Variants in SLC25A21 observed in about 807,000 individuals in gnomAD.
The protein encoded by SLC25A21 is mitochondrial 2-oxodicarboxylate carrier.
SLC25A21 carries 47 observed loss-of-function variants against 43.8 expected under a neutral mutation model. That is an observed-to-expected ratio of 1.07 (90% CI 0.85 to 1.37). The LOEUF (loss-of-function observed/expected upper bound fraction) is 1.37. Ranked by LOEUF, SLC25A21 falls within the 40% of genes most tolerant of loss-of-function variation. SLC25A21 has a pLI of 0.00. For missense variants in SLC25A21, 352 were observed against 350.2 expected, an observed-to-expected ratio of 1.00 and a Z score of -0.04; for synonymous variants, 131 against 121.3, an observed-to-expected ratio of 1.08 and a Z score of -0.52.
intron 2 of SLC25A21, among the ~76,000 whole-genome samples, chr14:36,868,876 A>G (rs1890288214): frequency 6.6e-6 from 1 of 152,164 alleles, no homozygotes; most frequent in Non-Finnish European, 1.5e-5. Flanking sequence ...GAAGGGAGAA[A>G]GCAGAGGACT....
At chr14:36,971,557 C>T (rs1032302730) in intron 1 of SLC25A21, among the ~76,000 whole-genome samples, 1 of 152,076 alleles carries the variant, frequency 6.6e-6, no homozygotes, top group Admixed American at 6.5e-5. Flanking sequence ...CCAGACACCA[C>T]CTCCTCAAGC....
At chr14:37,157,434 G>C (rs1018632988) in intron 1 of SLC25A21, among the ~76,000 whole-genome samples, 22 of 152,104 alleles carry the variant, frequency 1.4e-4, no homozygotes, top group Non-Finnish European at 2.8e-4. Flanking sequence ...TCAATAGTAA[G>C]AGGAACTTTT....
intron 1 of SLC25A21, among the ~76,000 whole-genome samples, chr14:36,899,436 G>A (rs1024882844): frequency 1.3e-5 from 2 of 152,156 alleles, no homozygotes; most frequent in Non-Finnish European, 2.9e-5. Context: ...TTGACAAAAT[G>A]GCACCGTCTC....
intron 1 of SLC25A21, among the ~76,000 whole-genome samples, chr14:36,990,390 T>A (rs999999728): frequency 3.3e-5 from 5 of 152,164 alleles, no homozygotes; most frequent in African/African-American, 1.2e-4. Context: ...AAAGAAAAAC[T>A]AATTAAGGTT....
At chr14:36,838,397 AC>A (rs555802398) in intron 2 of SLC25A21, among the ~76,000 whole-genome samples, 2 of 152,334 alleles carry the variant, frequency 1.3e-5, no homozygotes, top group East Asian at 3.9e-4. Flanking sequence ...TTTGTGAAGC[AC>A]ACTGGGACAC....
intron 1 of SLC25A21, among the ~76,000 whole-genome samples, chr14:37,118,270 CAGATCCACCA>C (rs369003612): frequency 1.9e-3 from 284 of 152,220 alleles, no homozygotes; most frequent in African/African-American, 6.3e-3. Flanking sequence ...TGGCTCCACC[CAGATCCACCA>C]ACAAGTCCTG....
At chr14:36,722,015 A>C (rs753832621) in intron 6 of SLC25A21, among the ~76,000 whole-genome samples, 10 of 152,176 alleles carry the variant, frequency 6.6e-5, no homozygotes, top group Non-Finnish European at 1.2e-4. Context: ...CAGAGGTATG[A>C]ATTTCAGTAT....
At chr14:36,682,725 C>T (rs1301403108) in intron 9 of SLC25A21, among the ~76,000 whole-genome samples, 1 of 135,076 alleles carries the variant, frequency 7.4e-6, no homozygotes, top group Non-Finnish European at 1.7e-5. Flanking sequence ...TTAGCTTTTA[C>T]ACATGGGCCA....
intron 1 of SLC25A21, among the ~76,000 whole-genome samples, chr14:36,941,552 A>G (rs1306026766): frequency 6.6e-6 from 1 of 151,998 alleles, no homozygotes; most frequent in Non-Finnish European, 1.5e-5. Context: ...GCATTTTAAC[A>G]GTATTTTCCG....
At chr14:37,166,910 T>C (rs17106483) in intron 1 of SLC25A21, among the ~76,000 whole-genome samples, 16,865 of 152,220 alleles carry the variant, frequency 0.11, 2,279 homozygotes, top group African/African-American at 0.32. Context: ...CTATATATTC[T>C]AACAGGGATC....
chr14:36,972,296 A>G (rs919213087), intron 1 of SLC25A21, among the ~76,000 whole-genome samples: 1 of 152,204 alleles, frequency 6.6e-6, no homozygotes, highest in African/African-American at 2.4e-5. Context: ...CACCTAATGA[A>G]GCACTTCTCA....
intron 7 of SLC25A21, among the ~76,000 whole-genome samples, chr14:36,686,950 TTG>T (rs1882580980): frequency 6.6e-6 from 1 of 152,074 alleles, no homozygotes; most frequent in Non-Finnish European, 1.5e-5. Flanking sequence ...GTGTCCACCT[TTG>T]TTTGTATTTA....
chr14:36,882,876 A>G (rs1890778059), intron 1 of SLC25A21, among the ~76,000 whole-genome samples: 1 of 151,816 alleles, frequency 6.6e-6, no homozygotes, highest in East Asian at 1.9e-4. Flanking sequence ...ATCATTCTGG[A>G]TGCTTCCGTC....
chr14:36,768,961 C>CTA (rs1555326964), intron 3 of SLC25A21, among the ~76,000 whole-genome samples: 1 of 149,830 alleles, frequency 6.7e-6, no homozygotes, highest in Admixed American at 6.6e-5. Context: ...AAACCTATAT[C>CTA]TATCTATATC....
intron 3 of SLC25A21, among the ~76,000 whole-genome samples, chr14:36,740,448 TAC>T (rs1885207007): frequency 6.6e-6 from 1 of 152,220 alleles, no homozygotes; most frequent in African/African-American, 2.4e-5. Context: ...CCTAAGCAGA[TAC>T]ACAGTGCTAC....
intron 3 of SLC25A21, among the ~76,000 whole-genome samples, chr14:36,762,765 G>A (rs1197245462): frequency 6.6e-6 from 1 of 152,114 alleles, no homozygotes; most frequent in African/African-American, 2.4e-5. Context: ...CCTTGAGTTG[G>A]TATAGGGATT....
At chr14:36,717,880 A>C (rs1002098854) in intron 6 of SLC25A21, among the ~76,000 whole-genome samples, 2 of 152,194 alleles carry the variant, frequency 1.3e-5, no homozygotes, top group African/African-American at 4.8e-5. Flanking sequence ...AGGATTTGAA[A>C]TATCAACTGA....
intron 1 of SLC25A21, among the ~76,000 whole-genome samples, chr14:37,108,569 T>C (rs1183669448): frequency 1.3e-5 from 2 of 152,184 alleles, no homozygotes; most frequent in Non-Finnish European, 2.9e-5. Context: ...TACTGATAAG[T>C]AATTTATCAG....
At chr14:37,096,637 TTC>T (rs763093611) in intron 1 of SLC25A21, among the ~76,000 whole-genome samples, 6 of 152,122 alleles carry the variant, frequency 3.9e-5, no homozygotes, top group Non-Finnish European at 8.8e-5. Flanking sequence ...GCTTGATCAG[TTC>T]TGTTTCTGAG....
Sources: allele counts gnomAD v4.1 joint callset (sites outside exome capture counted in the v4.1 genomes callset), GRCh38; gene constraint gnomAD v4.1.1; transcripts MANE v1.5; gene names NCBI Gene and HGNC (gene_info 2026-07-23, HGNC 2026-07-21).